The following NBAS variants were observed in gnomAD, a reference collection of about 807,000 sequenced individuals.
The protein encoded by NBAS is NBAS subunit of NRZ tethering complex.
NBAS carries 219 observed loss-of-function variants against 302.5 expected under a neutral mutation model. The observed-to-expected ratio is 0.72, with a 90% CI of 0.65 to 0.81. NBAS has a LOEUF of 0.81. Ranked by LOEUF, NBAS falls within the 30% of genes least tolerant of loss-of-function variation. The probability of loss-of-function intolerance (pLI) is 0.00; values close to 1 mark genes in which losing one functional copy is unlikely to be tolerated. For synonymous variants in NBAS, 1,118 were observed against 1,021.6 expected (o/e 1.09, Z -1.80); for missense variants, 2,932 against 2,841.6 (o/e 1.03, Z -0.72).
intron 13 of NBAS, 37 bp from the exon 14 acceptor site, chr2:15,475,917 G>C (rs1452421637): frequency 6.7e-7 from 1 of 1,488,526 alleles, no homozygotes; most frequent in African/African-American, 1.4e-5. Context: ...AAATGCATCT[G>C]CTAATGTGGT....
At chr2:15,522,769 C>T (rs1003508914) in intron 9 of NBAS, among the ~76,000 whole-genome samples, 10 of 152,326 alleles carry the variant, frequency 6.6e-5, no homozygotes, top group Admixed American at 4.6e-4. Flanking sequence ...GCTAAATCCA[C>T]GTATAACTTT....
intron 28 of NBAS, among the ~76,000 whole-genome samples, chr2:15,387,634 A>AT (rs1488663754): frequency 1.2e-4 from 11 of 93,168 alleles, no homozygotes; most frequent in African/African-American, 1.5e-4. Context: ...TTCATCTGGA[A>AT]ATTATTTTTT....
intron 35 of NBAS, among the ~76,000 whole-genome samples, chr2:15,348,363 G>C (rs1295819847): frequency 6.6e-6 from 1 of 152,166 alleles, no homozygotes; most frequent in Admixed American, 6.6e-5. Flanking sequence ...AGGACTACCA[G>C]TGGTCTCCTT....
chr2:15,275,917 C>T (rs946138843), intron 43 of NBAS, 99 bp from the exon 44 acceptor site: 6 of 1,034,252 alleles, frequency 5.8e-6, no homozygotes, highest in Non-Finnish European at 8.7e-6. Flanking sequence ...TGTCTGAACG[C>T]AAAGATCTAT....
chr2:15,038,053 C>A, the NBAS span, among the ~76,000 whole-genome samples: 1,488 of 146,324 alleles, frequency 0.01, 26 homozygotes, highest in African/African-American at 0.035. Flanking sequence ...ATCAAACAAC[C>A]AAAAAAAGGT....
At chr2:15,419,841 AG>A (rs1677126811) in intron 23 of NBAS, among the ~76,000 whole-genome samples, 1 of 151,738 alleles carries the variant, frequency 6.6e-6, no homozygotes, top group African/African-American at 2.4e-5. Context: ...CCTCCCGAGT[AG>A]TTGGGACTGC....
the NBAS span, among the ~76,000 whole-genome samples, chr2:15,013,715 T>C: frequency 2.4e-4 from 36 of 152,128 alleles, no homozygotes; most frequent in African/African-American, 8.2e-4. Flanking sequence ...GCCTGGAAGA[T>C]GGAGGCTGCA....
chr2:15,015,767 T>C, the NBAS span, among the ~76,000 whole-genome samples: 33 of 152,122 alleles, frequency 2.2e-4, no homozygotes, highest in Admixed American at 1.4e-3. Context: ...TTATTCAACA[T>C]AGTACTGGAA....
intron 42 of NBAS, among the ~76,000 whole-genome samples, chr2:15,278,444 T>A (rs1353941578): frequency 6.6e-6 from 1 of 152,230 alleles, no homozygotes; most frequent in Non-Finnish European, 1.5e-5. Context: ...ACTTATTACC[T>A]TGTCTATCTT....
At chr2:15,126,988 C>T in the NBAS span, among the ~76,000 whole-genome samples, 1,133 of 152,330 alleles carry the variant, frequency 7.4e-3, 12 homozygotes, top group African/African-American at 0.026. Context: ...GCTCAGCATA[C>T]AGCTCCTTGA....
the NBAS span, among the ~76,000 whole-genome samples, chr2:15,026,491 A>AAAAAAAAAAAAAAAAAAAAAAT: frequency 7.4e-6 from 1 of 135,894 alleles, no homozygotes; most frequent in African/African-American, 2.7e-5. Flanking sequence ...AAAAAAAAAA[A>AAAAAAAAAAAAAAAAAAAAAAT]GTCTTTTCTG....
chr2:14,927,312 T>G, the NBAS span, among the ~76,000 whole-genome samples: 2 of 152,240 alleles, frequency 1.3e-5, no homozygotes, highest in African/African-American at 2.4e-5. Context: ...TAATCCAAAG[T>G]ACACTCATAC....
At chr2:15,480,252 G>A (rs906053390) in intron 12 of NBAS, among the ~76,000 whole-genome samples, 3 of 151,802 alleles carry the variant, frequency 2.0e-5, no homozygotes, top group Non-Finnish European at 4.4e-5. Context: ...GAGGTAGGAG[G>A]ATCAACTGAG....
intron 21 of NBAS, among the ~76,000 whole-genome samples, 157 bp from the exon 22 acceptor site, chr2:15,427,951 T>G (rs1392252227): frequency 6.6e-6 from 1 of 152,240 alleles, no homozygotes; most frequent in East Asian, 1.9e-4. Flanking sequence ...ATATACATAC[T>G]ATATAAATGG....
At chr2:15,015,503 G>A in the NBAS span, among the ~76,000 whole-genome samples, 36 of 152,076 alleles carry the variant, frequency 2.4e-4, no homozygotes, top group African/African-American at 8.2e-4. Flanking sequence ...CAATAAATGT[G>A]ATACATCGCA....
At chr2:14,843,624 A>C in the NBAS span, among the ~76,000 whole-genome samples, 4 of 152,012 alleles carry the variant, frequency 2.6e-5, no homozygotes, top group Non-Finnish European at 5.9e-5. Context: ...GAGTACTCAC[A>C]GTACCTCATT....
chr2:15,004,107 A>G, the NBAS span, among the ~76,000 whole-genome samples: 1 of 152,226 alleles, frequency 6.6e-6, no homozygotes, highest in Non-Finnish European at 1.5e-5. Flanking sequence ...ATCTCGCATT[A>G]TCTTCACAAA....
chr2:15,018,106 G>A, the NBAS span, among the ~76,000 whole-genome samples: 36 of 151,974 alleles, frequency 2.4e-4, no homozygotes, highest in African/African-American at 8.2e-4. Flanking sequence ...CATAGAAGTA[G>A]AATGTAGAAC....
chr2:15,079,875 C>G, the NBAS span, among the ~76,000 whole-genome samples: 1 of 152,162 alleles, frequency 6.6e-6, no homozygotes, highest in African/African-American at 2.4e-5. Flanking sequence ...GAGTACATAA[C>G]TAATAAGTAC....
Sources: gnomAD v4.1 joint callset for allele counts (sites outside exome capture counted in the v4.1 genomes callset) on GRCh38, gnomAD v4.1.1 for gene constraint, MANE v1.5 for transcripts, NCBI Gene and HGNC (gene_info 2026-07-23, HGNC 2026-07-21) for gene names.